Variants in ZNF264 observed in about 807,000 individuals in gnomAD.
ZNF264 encodes the protein zinc finger protein 264.
In ZNF264, 11 loss-of-function variants were observed where a neutral mutation model predicts 11.2. The observed-to-expected ratio is 0.98, with a 90% CI of 0.62 to 1.63. The LOEUF is 1.63. Among genes scored for constraint, ZNF264 ranks in the 40% most tolerant of loss-of-function variants. The pLI is 0.00. For synonymous variants in ZNF264, 309 were observed against 279.8 expected (o/e 1.10, Z -1.04); for missense variants, 752 against 768.1 (o/e 0.98, Z 0.25).
chr19:57,198,198 T>C (rs2087226166), intron 2 of ZNF264, among the ~76,000 whole-genome samples: 1 of 151,946 alleles, frequency 6.6e-6, no homozygotes, highest in Non-Finnish European at 1.5e-5. Context: ...GTTAATTTGC[T>C]CAAGCAATGA....
Position 57,214,592 on chromosome 19 carries a change from A to T in ZNF264, c.*1611A>T, listed in dbSNP as rs768156954. On this transcript the variant is annotated 3_prime_UTR_variant, in exon 4 of 4. Coordinates refer to ENST00000263095, the MANE Select transcript of ZNF264 (RefSeq NM_003417.5). ...GGTCTTGAACTCCTGGGCTCAAGCA[A>T]CCTGCTTGCCTGGGTCTCCCAAAGT... is the stretch of plus-strand genomic sequence containing the variant. The T allele has an allele frequency of 6.6e-6, 1 of 152,204 alleles. No homozygotes were observed. The highest frequency in any genetic ancestry group is 2.4e-5 in the African/African-American group (1 of 41,422). The allele number at this position is 152,204 out of a possible 1,614,324, so 9.4% of individuals were successfully genotyped here. A position where few individuals can be genotyped will look rare whatever the true frequency, so the allele number is the denominator to read the frequency against.
At chr19:57,198,753 C>T (rs1439378136) in intron 2 of ZNF264, among the ~76,000 whole-genome samples, 2 of 151,874 alleles carry the variant, frequency 1.3e-5, no homozygotes, top group Non-Finnish European at 2.9e-5. Context: ...GATCATTTCC[C>T]TTTCCCCAGT....
chr19:57,200,572 T>C (rs2087245647), intron 2 of ZNF264, among the ~76,000 whole-genome samples: 1 of 115,874 alleles, frequency 8.6e-6, no homozygotes, highest in Non-Finnish European at 1.7e-5. Flanking sequence ...TGTCTTGTCT[T>C]GTCTTGTCTT....
chr19:57,203,939 C>A (rs1458218865), intron 2 of ZNF264, among the ~76,000 whole-genome samples: 1 of 152,216 alleles, frequency 6.6e-6, no homozygotes, highest in East Asian at 1.9e-4. Context: ...GTAATCCCAG[C>A]ACTTTGGGAG....
Position 57,215,519 on chromosome 19 carries a change from A to T in ZNF264, c.*2538A>T, listed in dbSNP as rs764163240. ...CACTTTATATTAATGATTTGTCTCT[A>T]TTCTTGATTTCTTTGATTTCTGCTC... On this transcript the variant is annotated 3_prime_UTR_variant, in exon 4 of 4. Transcript: ENST00000263095. 1 of 152,090 alleles carries T rather than the reference A, an allele frequency of 6.6e-6. No homozygotes were observed. Among genetic ancestry groups the T allele is most frequent in the Non-Finnish European group, 1.5e-5 (1 of 68,020 alleles). 9.4% of individuals were successfully genotyped at this position (152,090 alleles called of 1,614,324 possible). A position where few individuals can be genotyped will look rare whatever the true frequency, so the allele number is the denominator to read the frequency against.
intron 3 of ZNF264, among the ~76,000 whole-genome samples, chr19:57,208,804 G>T (rs1027318542): frequency 1.3e-5 from 2 of 152,096 alleles, no homozygotes; most frequent in African/African-American, 4.8e-5. Context: ...ACTTAACCAG[G>T]AAAGAGAGGT....
At chr19:57,197,568 T>G (rs2122738163) in intron 2 of ZNF264, among the ~76,000 whole-genome samples, 1 of 152,038 alleles carries the variant, frequency 6.6e-6, no homozygotes, top group Middle Eastern at 3.4e-3. Context: ...CAGAGCAGCT[T>G]GCACAGCAGC....
chr19:57,213,248 C>T lies in ZNF264; in HGVS notation c.*267C>T, dbSNP rs899271552. On this transcript the variant is annotated 3_prime_UTR_variant, in exon 4 of 4. Coordinates refer to ENST00000263095, the MANE Select transcript of ZNF264 (RefSeq NM_003417.5). ...TCAGGCTTCTCTGCCAAGCCTATGGCGCTTTGTCATGGATTTCTTAGTGTA... is the reference window on the plus strand; with the variant it reads ...TCAGGCTTCTCTGCCAAGCCTATGGTGCTTTGTCATGGATTTCTTAGTGTA... The T allele has an allele frequency of 7.9e-5, 25 of 317,786 alleles. No homozygotes were observed. Among genetic ancestry groups the T allele is most frequent in the African/African-American group, 2.5e-4 (12 of 47,798 alleles). 19.7% of individuals were successfully genotyped at this position (317,786 alleles called of 1,614,324 possible).
At chr19:57,199,316 AG>A (rs1483274127) in intron 2 of ZNF264, among the ~76,000 whole-genome samples, 1 of 151,954 alleles carries the variant, frequency 6.6e-6, no homozygotes, top group Non-Finnish European at 1.5e-5. Flanking sequence ...CTATTTTGCA[AG>A]CCATTGGTTA....
In ZNF264 at chr19:57,213,077, C is replaced by A; in HGVS notation, c.*96C>A. ...CTTATTCTCCATCTGATAATTTATCCTGGAGAGAGACCCAGTGGTTATTGT... is the reference window on the plus strand; with the variant it reads ...CTTATTCTCCATCTGATAATTTATCATGGAGAGAGACCCAGTGGTTATTGT... On this transcript the variant is annotated 3_prime_UTR_variant, in exon 4 of 4. Transcript: ENST00000263095. The A allele has an allele frequency of 7.9e-7, 1 of 1,258,030 alleles. No individual in the cohort carries two copies. Among genetic ancestry groups the A allele is most frequent in the Non-Finnish European group, 1.1e-6 (1 of 916,304 alleles). The allele number at this position is 1,258,030 out of a possible 1,614,324, so 77.9% of individuals were successfully genotyped here.
rs1285028163 is a variant in ZNF264, at chr19:57,217,400, A to G, written c.*4419A>G. 1.3e-5 allele frequency: 2 copies of G among 152,084 alleles called. No homozygotes were observed. The highest frequency in any genetic ancestry group is 2.9e-5 in the Non-Finnish European group (2 of 67,994). 9.4% of individuals were successfully genotyped at this position (152,084 alleles called of 1,614,324 possible). A position where few individuals can be genotyped will look rare whatever the true frequency, so the allele number is the denominator to read the frequency against. ...AATTCCTCTTCAAAAATTGAGCGCT[A>G]TGTTGCAAGATGTAATTTTTCTTTT... On this transcript the variant is annotated 3_prime_UTR_variant, in exon 4 of 4. Coordinates refer to ENST00000263095, the MANE Select transcript of ZNF264 (RefSeq NM_003417.5).
At chr19:57,195,993 G>A (rs1400523557) in intron 2 of ZNF264, among the ~76,000 whole-genome samples, 1 of 151,788 alleles carries the variant, frequency 6.6e-6, no homozygotes, top group Non-Finnish European at 1.5e-5. Context: ...CATGAATCCT[G>A]GCTATGGGAG....
chr19:57,221,403 T>C lies in ZNF264; in HGVS notation c.*8422T>C, dbSNP rs1431684273. ...GATTTTAGAAATTGTTATGAATGAC[T>C]GTCTTGGGATCCTCAAGAACACCCC... On this transcript the variant is annotated 3_prime_UTR_variant, in exon 4 of 4. Coordinates refer to ENST00000263095, the MANE Select transcript of ZNF264 (RefSeq NM_003417.5). 6.6e-6 allele frequency: 1 copy of C among 152,212 alleles called. No individual in the cohort carries two copies. Among genetic ancestry groups the C allele is most frequent in the Non-Finnish European group, 1.5e-5 (1 of 68,042 alleles). The allele number at this position is 152,212 out of a possible 1,614,324, so 9.4% of individuals were successfully genotyped here. A position where few individuals can be genotyped will look rare whatever the true frequency, so the allele number is the denominator to read the frequency against.
chr19:57,203,554 GTTGTTTT>G (rs1466779381), intron 2 of ZNF264, among the ~76,000 whole-genome samples: 1 of 152,054 alleles, frequency 6.6e-6, no homozygotes, highest in Non-Finnish European at 1.5e-5. Flanking sequence ...TGTTCTTGTT[GTTGTTTT>G]TTGTTTTTTA....
chr19:57,220,659 GAC>G lies in ZNF264; in HGVS notation c.*7682_*7683del, dbSNP rs974953017. On this transcript the variant is annotated 3_prime_UTR_variant, in exon 4 of 4. Coordinates refer to ENST00000263095, the MANE Select transcript of ZNF264 (RefSeq NM_003417.5). ...TTGCAATTTTGTTGTTGTTGTTTGAGACACAGAGTCTCATACTCTGCCACCCA... is the reference window on the plus strand; with the variant it reads ...TTGCAATTTTGTTGTTGTTGTTTGAGACAGAGTCTCATACTCTGCCACCCA... The G allele has an allele frequency of 1.4e-4, 21 of 152,186 alleles. No individual in the cohort carries two copies. The highest frequency in any genetic ancestry group is 4.3e-4 in the African/African-American group (18 of 41,516). 9.4% of individuals were successfully genotyped at this position (152,186 alleles called of 1,614,324 possible). A position where few individuals can be genotyped will look rare whatever the true frequency, so the allele number is the denominator to read the frequency against.
Position 57,212,874 on chromosome 19 carries a change from G to A in ZNF264, c.1777G>A (p.Asp593Asn). 1.2e-6 allele frequency: 2 copies of A among 1,614,178 alleles called. No individual in the cohort carries two copies. Among genetic ancestry groups the A allele is most frequent in the Non-Finnish European group, 1.7e-6 (2 of 1,180,020 alleles). The change falls in exon 4 of 4, where the codon GAC becomes AAC. Residue 593 changes from aspartate (D) to asparagine (N), a missense_variant. By Grantham distance (23) the Asp-to-Asn change is conservative. Coordinates refer to ENST00000263095, the MANE Select transcript of ZNF264 (RefSeq NM_003417.5). ...VTLRELLLGK[D>N]FLNVTTEANI... is the part of the protein sequence containing the mutation. ...CCTTCGAGAACTTCTTTTAGGGAAG[G>A]ACTTTTTGAATGTAACCACTGAGGC...
intron 1 of ZNF264, chr19:57,192,696 C>T: frequency 5.0e-6 from 2 of 402,480 alleles, no homozygotes; most frequent in Non-Finnish European, 6.7e-6. Context: ...TCTGTGGGGT[C>T]AGTGAGGAAT....
At chr19:57,211,021 C>G (rs1212097753) in intron 3 of ZNF264, among the ~76,000 whole-genome samples, 12 of 152,198 alleles carry the variant, frequency 7.9e-5, no homozygotes, top group Admixed American at 7.9e-4. Context: ...TGTAGCAACA[C>G]AGCATGTCCT....
chr19:57,202,428 G>A (rs778898894), intron 2 of ZNF264, among the ~76,000 whole-genome samples: 22 of 151,812 alleles, frequency 1.4e-4, no homozygotes, highest in Admixed American at 2.0e-4. Flanking sequence ...TTTGTCCACC[G>A]TTCCTGATTC....
Sources: gnomAD v4.1 joint callset for allele counts (sites outside exome capture counted in the v4.1 genomes callset) on GRCh38, gnomAD v4.1.1 for gene constraint, MANE v1.5 for transcripts, NCBI Gene and HGNC (gene_info 2026-07-23, HGNC 2026-07-21) for gene names.